Variants in LYST observed in about 807,000 individuals in gnomAD.
The protein encoded by LYST is lysosomal trafficking regulator, also known as lysosomal-trafficking regulator.
LYST carries 192 observed loss-of-function variants against 413.6 expected under a neutral mutation model. That is an observed-to-expected ratio of 0.46 (90% confidence interval 0.41 to 0.52). LYST has a LOEUF of 0.52. Ranked by LOEUF, LYST falls within the 20% of genes least tolerant of loss-of-function variation. The probability of loss-of-function intolerance (pLI) is 0.00; values close to 1 mark genes in which losing one functional copy is unlikely to be tolerated. For missense variants in LYST, 3,815 were observed against 4,499.9 expected, an observed-to-expected ratio of 0.85 and a Z score of 4.35; for synonymous variants, 1,525 against 1,567.3, an observed-to-expected ratio of 0.97 and a Z score of 0.64.
intron 32 of LYST, 64 bp downstream of exon 32, chr1:235,734,419 G>A (rs1213390962): frequency 2.4e-6 from 3 of 1,252,164 alleles, no homozygotes; most frequent in South Asian, 2.4e-5. Context: ...TAAAAAAGTA[G>A]TGTCAATCAT....
intron 1 of LYST, among the ~76,000 whole-genome samples, chr1:235,843,818 G>C (rs1165425662): frequency 6.6e-6 from 1 of 152,144 alleles, no homozygotes; most frequent in Non-Finnish European, 1.5e-5. Context: ...TGATTAGAAA[G>C]CATACTTTTT....
At chr1:235,787,647 T>A (rs1453243278) in intron 13 of LYST, among the ~76,000 whole-genome samples, 1 of 152,020 alleles carries the variant, frequency 6.6e-6, no homozygotes, top group Non-Finnish European at 1.5e-5. Context: ...TGTAAAAAAA[T>A]ATATATTATT....
chr1:235,880,170 C>G (rs938865971), intron 1 of LYST, among the ~76,000 whole-genome samples: 2 of 152,180 alleles, frequency 1.3e-5, no homozygotes, highest in African/African-American at 4.8e-5. Flanking sequence ...CATCTGAATT[C>G]TATAATTGTC....
chr1:235,717,121 C>T (rs1039243907), intron 40 of LYST, among the ~76,000 whole-genome samples: 10 of 152,140 alleles, frequency 6.6e-5, no homozygotes, highest in Admixed American at 3.3e-4. Context: ...TAGACCAAGC[C>T]CTGAAAGTTA....
At chr1:235,845,145 C>T (rs1677663576) in intron 1 of LYST, among the ~76,000 whole-genome samples, 1 of 152,144 alleles carries the variant, frequency 6.6e-6, no homozygotes, top group African/African-American at 2.4e-5. Flanking sequence ...CCAGGAGACC[C>T]CCAAATACTG....
chr1:235,664,984 G>C lies in LYST; in HGVS notation c.11039-363C>G, dbSNP rs902679601. ...AATTTTTATATTTTTAGTAGAAATG[G>C]GTTTTTGCCATGTTGGCTAGGCTAG... is the stretch of plus-strand genomic sequence containing the variant. On this transcript the variant is annotated intron_variant, in intron 50 of 52. Transcript: ENST00000389793. This position sits in a 1 kb window ranked among gnomAD's most constrained non-coding sequence, Gnocchi z 4.5. Among the ~76,000 whole-genome samples the C allele has an allele frequency of 6.6e-6, 1 of 152,022 alleles. No homozygotes were observed. Among genetic ancestry groups the C allele is most frequent in the Non-Finnish European group, 1.5e-5 (1 of 68,020 alleles).
intron 32 of LYST, 55 bp downstream of exon 32, chr1:235,734,428 A>T: frequency 7.2e-7 from 1 of 1,380,462 alleles, no homozygotes. Flanking sequence ...AGTGTCAATC[A>T]TTCTTTATCT....
rs777053140 is a variant in LYST, at chr1:235,720,880, A to G, written c.9341T>C (p.Ile3114Thr). Residue 3114 changes from isoleucine (I) to threonine (T), a missense_variant, in exon 40 of 53, where the codon ATA becomes ACA. By Grantham distance (89) the Ile-to-Thr change is moderately conservative. Coordinates refer to ENST00000389793, the MANE Select transcript of LYST (RefSeq NM_000081.4). ...TKVRDDVYHN[I>T]LTNNLPNLLE... ...AAGATTAGGGAGGTTATTTGTGAGT[A>G]TATTGTGGTATACATCATCACGAAC... 2 of 1,613,674 alleles carry G rather than the reference A, an allele frequency of 1.2e-6. No individual in the cohort carries two copies. Among genetic ancestry groups the G allele is most frequent in the Admixed American group, 3.3e-5 (2 of 60,020 alleles).
At chr1:235,701,538 G>T (rs1385104431) in intron 45 of LYST, among the ~76,000 whole-genome samples, 1 of 152,202 alleles carries the variant, frequency 6.6e-6, no homozygotes, top group Non-Finnish European at 1.5e-5. Context: ...TGAGGCAGGA[G>T]AACTGTTTGA....
At chr1:235,841,101 TG>T (rs1677153187) in intron 1 of LYST, among the ~76,000 whole-genome samples, 1 of 151,994 alleles carries the variant, frequency 6.6e-6, no homozygotes. Flanking sequence ...TTCTTTACAG[TG>T]ACTACTGAGA....
intron 14 of LYST, among the ~76,000 whole-genome samples, chr1:235,784,468 G>C (rs1670200706): frequency 6.6e-6 from 1 of 152,152 alleles, no homozygotes; most frequent in African/African-American, 2.4e-5. Flanking sequence ...CTACCTGTCA[G>C]CTGACATAAT....
intron 31 of LYST, among the ~76,000 whole-genome samples, chr1:235,739,637 G>A (rs1318805222): frequency 2.8e-5 from 4 of 144,634 alleles, no homozygotes; most frequent in Admixed American, 2.7e-4. Context: ...AAAAAAAAAC[G>A]TAGTCAAATA....
chr1:235,810,566 C>A (rs745960300), intron 4 of LYST, 32 bp from the exon 5 acceptor site: 16 of 1,586,534 alleles, frequency 1.0e-5, no homozygotes, highest in Non-Finnish European at 1.4e-5. Context: ...GCTTAGAATA[C>A]CTCAATATGT....
intron 6 of LYST, among the ~76,000 whole-genome samples, chr1:235,804,915 G>T (rs555537160): frequency 8.5e-5 from 13 of 152,302 alleles, no homozygotes; most frequent in Admixed American, 2.0e-4. Flanking sequence ...AGAATGGCAA[G>T]AAATGAAGCT....
At chr1:235,706,852 T>TG (rs1662031120) in intron 44 of LYST, among the ~76,000 whole-genome samples, 1 of 152,178 alleles carries the variant, frequency 6.6e-6, no homozygotes, top group Non-Finnish European at 1.5e-5. Context: ...GTACTCAAAA[T>TG]AATTATGGAA....
chr1:235,736,069 A>C (rs181712461), intron 31 of LYST: 1 of 152,154 alleles, frequency 6.6e-6, no homozygotes, highest in Non-Finnish European at 1.5e-5. Context: ...TTCATTGTGA[A>C]TATCAAAGGA....
At chr1:235,732,698 C>T (rs141309960) in intron 34 of LYST, among the ~76,000 whole-genome samples, 25 of 152,172 alleles carry the variant, frequency 1.6e-4, no homozygotes, top group African/African-American at 5.8e-4. Flanking sequence ...CCAAATTAGC[C>T]TCTAGCAATA....
At chr1:235,715,429 T>C in intron 41 of LYST, 72 bp from the exon 42 acceptor site, 1 of 1,470,220 alleles carries the variant, frequency 6.8e-7, no homozygotes. Flanking sequence ...TGCTGGATGT[T>C]TTTTTTTCTC....
At chr1:235,799,294 T>C (rs113988478) in intron 10 of LYST, among the ~76,000 whole-genome samples, 198 of 152,270 alleles carry the variant, frequency 1.3e-3, no homozygotes, top group African/African-American at 4.5e-3. Flanking sequence ...ATACTAAAAT[T>C]AGTGGATGAA....
Sources: gnomAD v4.1 joint callset for allele counts (sites outside exome capture counted in the v4.1 genomes callset) on GRCh38, gnomAD v4.1.1 for gene constraint, Gnocchi (gnomAD v3.1) non-coding constraint, MANE v1.5 for transcripts, NCBI Gene and HGNC (gene_info 2026-07-23, HGNC 2026-07-21) for gene names.